The following EMC3 variants were observed in gnomAD, a reference collection of about 807,000 sequenced individuals.
EMC3 encodes the protein 30 kDa protein.
EMC3 carries 13 observed loss-of-function variants against 36.6 expected under a neutral mutation model. The observed-to-expected ratio is 0.35, with a 90% confidence interval of 0.23 to 0.56. EMC3 has a LOEUF of 0.56. Ranked by LOEUF, EMC3 falls within the 20% of genes least tolerant of loss-of-function variation. The pLI is 0.84. For synonymous variants in EMC3, 120 were observed against 111.9 expected, an observed-to-expected ratio of 1.07 and a Z score of -0.46; for missense variants, 220 against 324.5, an observed-to-expected ratio of 0.68 and a Z score of 2.47.
At chr3:9,987,309 C>G (rs1398227043), upstream of EMC3, 13 of 985,388 alleles carry the variant, frequency 1.3e-5, no homozygotes, top group Non-Finnish European at 1.6e-5. Context: ...GGCCCCGCTC[C>G]CCTGCGACCT....
chr3:10,003,473 A>G (rs966261607), intron 1 of EMC3: 5 of 351,426 alleles, frequency 1.4e-5, no homozygotes, highest in African/African-American at 8.6e-5. Context: ...TTTTATAGTC[A>G]GTGTAGACAG....
chr3:10,003,270 A>G, intron 1 of EMC3: 1 of 454,294 alleles, frequency 2.2e-6, no homozygotes, highest in South Asian at 1.6e-5. Flanking sequence ...CTTTGACTTC[A>G]GCCTTGCCAA....
intron 1 of EMC3, among the ~76,000 whole-genome samples, chr3:9,984,081 T>A (rs2085941632): frequency 7.1e-6 from 1 of 139,990 alleles, no homozygotes; most frequent in Non-Finnish European, 1.6e-5. Context: ...GTAAATACAC[T>A]TTTTTTTTTT....
chr3:9,992,993 A>C (rs1376953565), intron 1 of EMC3: 1 of 1,537,266 alleles, frequency 6.5e-7, no homozygotes, highest in East Asian at 2.2e-5. Context: ...TCCAGAGTAC[A>C]TTCTCTGTTC....
rs1194726176 is a variant in EMC3 at position 9,979,829 on chromosome 3, TTA to T, written c.156-2385_156-2384del. Among the ~76,000 whole-genome samples the T allele has an allele frequency of 1.5e-4, 23 of 152,196 alleles. 1 individual carries two copies. The highest frequency in any genetic ancestry group is 4.1e-4 in the African/African-American group (17 of 41,516). ...CTGGACTCTTCAGGATGAGTGAGGA[TTA>T]CCTTGGCAAAGTGCTGGTGTAAACA... On this transcript the variant is annotated intron_variant, in intron 1 of 7. Transcript: ENST00000245046.
Position 9,977,577 on chromosome 3 carries a change from C to T in EMC3, c.156-131G>A, listed in dbSNP as rs17050666. On this transcript the variant is annotated intron_variant, in intron 1 of 7. Transcript: ENST00000245046. ...GCAACAGCTCTGTGTGGAAACTTCC[C>T]AAAATACAAGTATCTTTAAAACCAA... The T allele has an allele frequency of 0.015, 9,972 of 664,178 alleles. 770 individuals are homozygous for T. The African/African-American group carries it at 0.17, about 11-fold the overall frequency. 41.1% of individuals were successfully genotyped at this position (664,178 alleles called of 1,614,324 possible).
In EMC3 at chr3:9,973,415, C is replaced by T. The variant is rs563478358; in HGVS notation, c.494+213G>A. ...TTCACAGTGTTAGCCAGAATGGTCT[C>T]GATCTCCTGATCTCATCATCTGCCC... On this transcript the variant is annotated intron_variant, in intron 5 of 7. Coordinates refer to ENST00000245046, the MANE Select transcript of EMC3 (RefSeq NM_001394674.1). 141 of 520,578 alleles carry T rather than the reference C, an allele frequency of 2.7e-4. No homozygotes were observed. The South Asian group carries it at 2.9e-3, about 11-fold the overall frequency. The allele number at this position is 520,578 out of a possible 1,614,324, so 32.2% of individuals were successfully genotyped here.
intron 7 of EMC3, among the ~76,000 whole-genome samples, chr3:9,967,099 G>A (rs1343586518): frequency 6.6e-6 from 1 of 151,976 alleles, no homozygotes; most frequent in Non-Finnish European, 1.5e-5. Flanking sequence ...CTACTTTCTT[G>A]TCTCTGTGAA....
intron 1 of EMC3, among the ~76,000 whole-genome samples, chr3:9,985,914 GATAA>G (rs2085966339): frequency 6.6e-6 from 1 of 151,972 alleles, no homozygotes; most frequent in Non-Finnish European, 1.5e-5. Context: ...CAAATAAATA[GATAA>G]ATAAATAAAT....
At chr3:9,987,828 T>C, upstream of EMC3, 1 of 598,276 alleles carries the variant, frequency 1.7e-6, no homozygotes, top group Non-Finnish European at 3.1e-6. Flanking sequence ...TTCAGGAGAT[T>C]GTCATGGTTG....
At chr3:9,972,232 A>G (rs997568693) in intron 5 of EMC3, among the ~76,000 whole-genome samples, 1 of 90,674 alleles carries the variant, frequency 1.1e-5, no homozygotes, top group African/African-American at 6.0e-5. Context: ...GTACTTTGGA[A>G]AAAAAAAAAT....
chr3:9,969,598 C>T, intron 7 of EMC3, 121 bp downstream of exon 7: 1 of 1,549,278 alleles, frequency 6.5e-7, no homozygotes. Flanking sequence ...TATGTTTTTA[C>T]TAAGTTTAAA....
intron 1 of EMC3, among the ~76,000 whole-genome samples, chr3:10,001,318 T>A (rs1039057822): frequency 1.3e-5 from 2 of 151,380 alleles, no homozygotes; most frequent in African/African-American, 4.9e-5. Context: ...TCCCAGCACT[T>A]TGGGGGGCCG....
rs762058276 is a variant in EMC3, at chr3:9,970,546, G to C, written c.574+36C>G. The C allele has an allele frequency of 3.3e-5, 53 of 1,599,344 alleles. No individual in the cohort carries two copies. The Admixed American group carries it at 6.3e-4, about 19-fold the overall frequency. On this transcript the variant is annotated intron_variant, in intron 6 of 7. Coordinates refer to ENST00000245046, the MANE Select transcript of EMC3 (RefSeq NM_001394674.1). ...CTCTAATATGGATGATTCATCTATG[G>C]AAGTATTTGCTTAGTAAACCTGACA... is the stretch of plus-strand genomic sequence containing the variant.
intron 4 of EMC3, 47 bp downstream of exon 4, chr3:9,974,337 C>T: frequency 7.5e-7 from 1 of 1,333,436 alleles, no homozygotes; most frequent in Non-Finnish European, 1.1e-6. Flanking sequence ...CTCACTAGCA[C>T]TTGAATTTCT....
chr3:9,976,892 C>A, intron 3 of EMC3, 65 bp downstream of exon 3: 2 of 1,169,264 alleles, frequency 1.7e-6, no homozygotes, highest in Non-Finnish European at 2.5e-6. Flanking sequence ...CCCTGCCTAC[C>A]CCACCCCACT....
At chr3:10,001,177 T>TCTTTTGCATA (rs1313413929) in intron 1 of EMC3, among the ~76,000 whole-genome samples, 2 of 152,138 alleles carry the variant, frequency 1.3e-5, no homozygotes, top group African/African-American at 4.8e-5. Flanking sequence ...TTAGCTTCAT[T>TCTTTTGCATA]CTTTTGCATA....
intron 1 of EMC3, among the ~76,000 whole-genome samples, chr3:9,984,427 T>C (rs2085947604): frequency 6.7e-6 from 1 of 148,414 alleles, no homozygotes; most frequent in East Asian, 2.0e-4. Context: ...TCTTGCTCTG[T>C]CACCCAGGTT....
chr3:9,969,760 C>G lies in EMC3; in HGVS notation c.616G>C (p.Ala206Pro), dbSNP rs1575673673. The G allele has an allele frequency of 6.2e-7, 1 of 1,613,906 alleles. No individual in the cohort carries two copies. Among genetic ancestry groups the G allele is most frequent in the Non-Finnish European group, 8.5e-7 (1 of 1,180,034 alleles). ...GTGTCTGCGGGCATGGCCATGGCTG[C>G]TCCCGTCATCTGCTCCTGCATCATT... ...SRMMQEQMTG[A>P]AMAMPADTNK... is the part of the protein sequence containing the mutation. The change falls in exon 7 of 8, where the codon GCA (alanine) becomes CCA (proline). Residue 206 changes from alanine (A) to proline (P), a missense_variant. Physicochemically the swap from Ala to Pro is conservative, Grantham distance 27. This residue lies in a region of EMC3 where 56 missense variants were observed against 117.0 expected (regional missense o/e 0.48). Coordinates refer to ENST00000245046, the MANE Select transcript of EMC3 (RefSeq NM_001394674.1).
Sources: gnomAD v4.1 joint callset for allele counts (sites outside exome capture counted in the v4.1 genomes callset) on GRCh38, gnomAD v4.1.1 for gene constraint, gnomAD v4.1.1 regional missense constraint, MANE v1.5 for transcripts, NCBI Gene and HGNC (gene_info 2026-07-23, HGNC 2026-07-21) for gene names.